The following STX19 variants were observed in gnomAD, a reference collection of about 807,000 sequenced individuals.
STX19 encodes syntaxin 19.
STX19 carries 26 observed loss-of-function variants against 24.3 expected under a neutral mutation model. The observed-to-expected ratio is 1.07, with a 90% confidence interval of 0.78 to 1.48. The LOEUF (loss-of-function observed/expected upper bound fraction) is 1.48, where lower values mean the gene tolerates loss of function less well. STX19 is among the 40% of genes most tolerant of loss of function. The probability of loss-of-function intolerance (pLI) is 0.00; values close to 1 mark genes in which losing one functional copy is unlikely to be tolerated. For missense variants in STX19, 367 were observed against 331.9 expected (o/e 1.11, Z -0.82); for synonymous variants, 116 against 106.9 (o/e 1.09, Z -0.52).
At chr3:94,024,917 A>T (rs972059219) in intron 1 of STX19, among the ~76,000 whole-genome samples, 8 of 152,182 alleles carry the variant, frequency 5.3e-5, no homozygotes, top group Admixed American at 2.6e-4. Context: ...AAATAAAGTA[A>T]TCAAAAGCCT....
intron 1 of STX19, 29 bp from the exon 2 acceptor site, chr3:94,015,311 A>C: frequency 1.3e-6 from 2 of 1,485,934 alleles, no homozygotes; most frequent in South Asian, 1.5e-5. Flanking sequence ...TGTGTTGAAC[A>C]AGTAGAAATT....
Position 94,014,749 on chromosome 3 carries a change from C to A in STX19, c.521G>T (p.Gly174Val). 2 of 1,613,096 alleles carry A rather than the reference C, an allele frequency of 1.2e-6. No homozygotes were observed. Among genetic ancestry groups the A allele is most frequent in the Non-Finnish European group, 1.7e-6 (2 of 1,179,716 alleles). Residue 174 changes from glycine (G) to valine (V), a missense_variant, in exon 2 of 2, where the codon GGA (glycine) becomes GTA (valine). Physicochemically the swap from Gly to Val is moderately radical, Grantham distance 109 (BLOSUM62 -3). Coordinates refer to ENST00000315099, the MANE Select transcript of STX19 (RefSeq NM_001001850.3). ...TACATCTTCTTCAGACATCTCTTTT[C>A]CAGCAACTTCAAGCTGACGTAAAAT... ...TFILRQLEVA[G>V]KEMSEEDVND...
chr3:94,015,367 T>C (rs2076309967), intron 1 of STX19, 85 bp from the exon 2 acceptor site: 9 of 1,020,838 alleles, frequency 8.8e-6, no homozygotes, highest in Non-Finnish European at 1.1e-5. Flanking sequence ...ACTGTCTATA[T>C]CCCAGCAAAA....
intron 1 of STX19, among the ~76,000 whole-genome samples, chr3:94,022,916 G>C (rs1348374092): frequency 6.6e-6 from 1 of 151,872 alleles, no homozygotes; most frequent in East Asian, 1.9e-4. Context: ...TAAAACTGAA[G>C]TGAATTGAAC....
At position 94,014,660 on chromosome 3, in the gene STX19, T is replaced by C. The variant is rs748935624; in HGVS notation, c.610A>G (p.Ile204Val). Residue 204 changes from isoleucine (I) to valine (V), a missense_variant, in exon 2 of 2, where the codon ATC becomes GTC. Transcript: ENST00000315099. ...FNESLLTEIN[I>V]TKAQLSEIEQ... ...ATCTCTGAAAGTTGTGCTTTAGTGATATTGATTTCTGTAAGTAAGCTTTCA... is the reference window on the plus strand; with the variant it reads ...ATCTCTGAAAGTTGTGCTTTAGTGACATTGATTTCTGTAAGTAAGCTTTCA... The C allele has an allele frequency of 6.2e-7, 1 of 1,613,664 alleles. No individual in the cohort carries two copies. Among genetic ancestry groups the C allele is most frequent in the Admixed American group, 1.7e-5 (1 of 59,992 alleles).
chr3:94,017,668 A>G (rs899644061), intron 1 of STX19, among the ~76,000 whole-genome samples: 1 of 152,250 alleles, frequency 6.6e-6, no homozygotes, highest in African/African-American at 2.4e-5. Flanking sequence ...ACAATTTAAA[A>G]GATAAACGGG....
chr3:94,014,606 A>G lies in STX19; in HGVS notation c.664T>C (p.Leu222=), dbSNP rs1156982463. ...CTTAAATCCTTTATTTGGTTCTCCAAATTAACAAGTTCCTTGTGTCTCTGT... is the reference window on the plus strand; with the variant it reads ...CTTAAATCCTTTATTTGGTTCTCCAGATTAACAAGTTCCTTGTGTCTCTGT... The part of the protein sequence containing the change: ...IEQRHKELVN[L]ENQIKDLRDL... Residue 222 remains leucine, a synonymous_variant, in exon 2 of 2, where the codon TTG becomes CTG. Transcript: ENST00000315099. 6.2e-7 allele frequency: 1 copy of G among 1,613,040 alleles called. No homozygotes were observed. The highest frequency in any genetic ancestry group is 8.5e-7 in the Non-Finnish European group (1 of 1,179,860).
intron 1 of STX19, among the ~76,000 whole-genome samples, chr3:94,020,373 T>G (rs2076422161): frequency 6.6e-6 from 1 of 152,212 alleles, no homozygotes; most frequent in Admixed American, 6.5e-5. Context: ...TTGAACCATG[T>G]TGTCAGCTAG....
In STX19 at chr3:94,014,811, G is replaced by A. The variant is rs538284731; in HGVS notation, c.459C>T (p.Asp153=). 39 of 1,613,910 alleles carry A rather than the reference G, an allele frequency of 2.4e-5. No homozygotes were observed. Among genetic ancestry groups the A allele is most frequent in the Non-Finnish European group, 3.1e-5 (37 of 1,180,002 alleles). ...HFQQIMFIYN[D]TIAAKQEKCK... ...ACTTCTCTTGCTTTGCTGCTATTGT[G>A]TCATTGTATATAAACATGATTTGCT... Residue 153 remains aspartate (D), a synonymous_variant, in exon 2 of 2, where the codon GAC becomes GAT. Coordinates refer to ENST00000315099, the MANE Select transcript of STX19 (RefSeq NM_001001850.3).
rs768929991 is a variant in STX19 at position 94,015,024 on chromosome 3, C to A, written c.246G>T (p.Met82Ile). 1.9e-6 allele frequency: 3 copies of A among 1,614,060 alleles called. No homozygotes were observed. The highest frequency in any genetic ancestry group is 2.5e-6 in the Non-Finnish European group (3 of 1,179,954). The stretch of plus-strand genomic sequence containing the variant: ...CTCTCTTAAGTAGACTAAACCTTCT[C>A]ATTGAAGCCACCAGACTTTTCTGTT... The part of the protein sequence containing the change: ...GQQQKSLVAS[M>I]RRFSLLKRES... Residue 82 changes from methionine to isoleucine, a missense_variant, in exon 2 of 2, where the codon ATG becomes ATT. Coordinates refer to ENST00000315099, the MANE Select transcript of STX19 (RefSeq NM_001001850.3).
At chr3:94,020,014 TC>T (rs1391761253) in intron 1 of STX19, among the ~76,000 whole-genome samples, 7 of 152,352 alleles carry the variant, frequency 4.6e-5, no homozygotes, top group African/African-American at 1.7e-4. Flanking sequence ...GCTTTATTTT[TC>T]TTAGCATTTT....
chr3:94,016,072 TC>T (rs2076328054), intron 1 of STX19, among the ~76,000 whole-genome samples: 1 of 152,142 alleles, frequency 6.6e-6, no homozygotes, highest in South Asian at 2.1e-4. Context: ...TTGGTAGTTA[TC>T]TGTAAGAATC....
intron 1 of STX19, 44 bp from the exon 2 acceptor site, chr3:94,015,326 A>AT (rs1358691205): frequency 2.7e-5 from 39 of 1,444,590 alleles, no homozygotes; most frequent in Non-Finnish European, 3.3e-5. Flanking sequence ...GAAATTTGGT[A>AT]TTTTTCCCCA....
At chr3:94,026,460 C>T (rs2076559976) in intron 1 of STX19, among the ~76,000 whole-genome samples, 1 of 152,072 alleles carries the variant, frequency 6.6e-6, no homozygotes, top group Admixed American at 6.5e-5. Context: ...TTGATAGGTA[C>T]TCAAATATGT....
At chr3:94,018,680 T>C (rs2076383755) in intron 1 of STX19, among the ~76,000 whole-genome samples, 1 of 152,196 alleles carries the variant, frequency 6.6e-6, no homozygotes. Flanking sequence ...AATGAGCTCA[T>C]AATCTTCCTG....
At chr3:94,026,434 CTG>C (rs2076559596) in intron 1 of STX19, among the ~76,000 whole-genome samples, 1 of 152,118 alleles carries the variant, frequency 6.6e-6, no homozygotes, top group Admixed American at 6.6e-5. Context: ...CCTTGTTCAT[CTG>C]TGTAGAAATT....
At chr3:94,025,926 G>T (rs529831102) in intron 1 of STX19, among the ~76,000 whole-genome samples, 1 of 152,008 alleles carries the variant, frequency 6.6e-6, no homozygotes, top group South Asian at 2.1e-4. Context: ...CAGCTTTAAG[G>T]TAAAGTATTT....
chr3:94,018,779 T>G (rs957776903), intron 1 of STX19, among the ~76,000 whole-genome samples: 9 of 152,140 alleles, frequency 5.9e-5, no homozygotes, highest in African/African-American at 1.9e-4. Flanking sequence ...TTTTGTTTGT[T>G]TTTTGAGACC....
At chr3:94,024,919 C>A (rs1385375542) in intron 1 of STX19, among the ~76,000 whole-genome samples, 1 of 152,048 alleles carries the variant, frequency 6.6e-6, no homozygotes, top group Admixed American at 6.6e-5. Flanking sequence ...ATAAAGTAAT[C>A]AAAAGCCTTT....
Sources: gnomAD v4.1 joint callset for allele counts (sites outside exome capture counted in the v4.1 genomes callset) on GRCh38, gnomAD v4.1.1 for gene constraint, MANE v1.5 for transcripts, NCBI Gene and HGNC (gene_info 2026-07-23, HGNC 2026-07-21) for gene names.